Variants in LDLRAD4 observed in about 807,000 individuals in gnomAD.
LDLRAD4 encodes the protein low density lipoprotein receptor class A domain containing 4, also known as low-density lipoprotein receptor class A domain-containing protein 4.
In LDLRAD4, 5 loss-of-function variants were observed where a neutral mutation model predicts 17.0. The observed-to-expected ratio is 0.29, with a 90% CI of 0.15 to 0.62. The LOEUF (loss-of-function observed/expected upper bound fraction) is 0.62. Ranked by LOEUF, LDLRAD4 falls within the 20% of genes least tolerant of loss-of-function variation. The pLI, the probability that LDLRAD4 is intolerant of heterozygous loss-of-function variation, is 0.84. For synonymous variants in LDLRAD4, 168 were observed against 171.8 expected (o/e 0.98, Z 0.17); for missense variants, 340 against 424.7 (o/e 0.80, Z 1.75).
At chr18:13,529,240 A>G (rs531651565) in intron 3 of LDLRAD4, among the ~76,000 whole-genome samples, 2 of 152,302 alleles carry the variant, frequency 1.3e-5, no homozygotes, top group East Asian at 3.9e-4. Flanking sequence ...CCAAAGGCCC[A>G]TGTACCATAG....
rs185288167 is a variant in LDLRAD4 at position 13,233,402 on chromosome 18, A to G, written c.-467+14414A>G. On this transcript the variant is annotated intron_variant, in intron 1 of 5. Transcript: ENST00000399848. ...TGCTCAGAGCCCAGTAAGAGGCGGGACAGCTGTGTTTGGAAGTGGGCCAAG... is the reference window on the plus strand; with the variant it reads ...TGCTCAGAGCCCAGTAAGAGGCGGGGCAGCTGTGTTTGGAAGTGGGCCAAG... Among the ~76,000 whole-genome samples the G allele has an allele frequency of 1.4e-4, 22 of 152,182 alleles. No homozygotes were observed. In the East Asian group the frequency reaches 2.7e-3, roughly 19 times the overall value.
At chr18:13,542,104 C>T (rs1601234542) in intron 3 of LDLRAD4, among the ~76,000 whole-genome samples, 1 of 152,172 alleles carries the variant, frequency 6.6e-6, no homozygotes, top group Admixed American at 6.5e-5. Context: ...ACTCTCTACT[C>T]AAGTTCTACT....
intron 1 of LDLRAD4, chr18:13,234,948 T>G (rs2042262115): frequency 6.6e-6 from 1 of 152,184 alleles, no homozygotes. Context: ...TTTATCAAGC[T>G]GTAAAAAAAT....
At chr18:13,379,507 G>A (rs1267034844) in intron 1 of LDLRAD4, among the ~76,000 whole-genome samples, 2 of 152,244 alleles carry the variant, frequency 1.3e-5, no homozygotes, top group Non-Finnish European at 1.5e-5. Context: ...AGAGGCAGAC[G>A]AGACACAAGG....
chr18:13,620,223 C>T (rs2148804518), intron 3 of LDLRAD4, among the ~76,000 whole-genome samples: 1 of 152,320 alleles, frequency 6.6e-6, no homozygotes, highest in East Asian at 1.9e-4. Context: ...CATGTACGTG[C>T]ATGCATGTGT....
chr18:13,439,279 G>A (rs1231145962), intron 3 of LDLRAD4, among the ~76,000 whole-genome samples: 2 of 152,156 alleles, frequency 1.3e-5, no homozygotes, highest in African/African-American at 2.4e-5. Context: ...GTGAAAATGG[G>A]AGGGGATTTA....
At position 13,417,502 on chromosome 18, in the gene LDLRAD4, G is replaced by T. The variant is rs916846241; in HGVS notation, c.41-20742G>T. ...GGCTGGAGTGCAGTGGCGCGATCTC[G>T]GCTCACTGCAAGCTCTGCCTCCCGG... On this transcript the variant is annotated intron_variant, in intron 2 of 5. Coordinates refer to ENST00000359446, the Ensembl canonical transcript of LDLRAD4. Among the ~76,000 whole-genome samples the T allele has an allele frequency of 9.3e-5, 14 of 150,014 alleles. No homozygotes were observed. In the Admixed American group the frequency reaches 9.4e-4, roughly 10 times the overall value.
intron 3 of LDLRAD4, among the ~76,000 whole-genome samples, chr18:13,593,665 G>T (rs9946090): frequency 6.6e-6 from 1 of 151,940 alleles, no homozygotes; most frequent in African/African-American, 2.4e-5. Context: ...GCTATATGGC[G>T]CAGGCTGGCC....
At chr18:13,393,450 A>G (rs1739122668) in intron 2 of LDLRAD4, among the ~76,000 whole-genome samples, 2 of 151,926 alleles carry the variant, frequency 1.3e-5, no homozygotes, top group Admixed American at 6.6e-5. Context: ...CATAGCACGC[A>G]CTCTGGAGAA....
Position 13,402,335 on chromosome 18 carries a change from C to T in LDLRAD4, c.40+14573C>T, listed in dbSNP as rs539850630. Among the ~76,000 whole-genome samples, 6 of 152,250 alleles carry T rather than the reference C, an allele frequency of 3.9e-5. No individual in the cohort carries two copies. In the South Asian group the frequency reaches 1.0e-3, roughly 26 times the overall value. ...CCCGAACTCACACTTCTCTTATAAA[C>T]GTCCCATTTTCAGAAACTCACTTCT... On this transcript the variant is annotated intron_variant, in intron 2 of 5. Coordinates refer to ENST00000359446, the Ensembl canonical transcript of LDLRAD4.
rs7241186 is a variant in LDLRAD4, at chr18:13,394,978, C to T, written c.40+7216C>T. 8.1e-3 allele frequency among the ~76,000 whole-genome samples: 1,228 copies of T among 152,294 alleles called. 17 individuals carry two copies. The highest frequency in any genetic ancestry group is 0.027 in the African/African-American group (1,128 of 41,558). On this transcript the variant is annotated intron_variant, in intron 2 of 5. Transcript: ENST00000359446. ...TTCCTCTGTTAGTGTATGGATGTCTCTGGAGTCCTTAATACTGGATTCTCC... is the reference window on the plus strand; with the variant it reads ...TTCCTCTGTTAGTGTATGGATGTCTTTGGAGTCCTTAATACTGGATTCTCC...
intron 2 of LDLRAD4, among the ~76,000 whole-genome samples, chr18:13,404,900 A>C (rs1599996620): frequency 6.6e-6 from 1 of 152,254 alleles, no homozygotes; most frequent in African/African-American, 2.4e-5. Flanking sequence ...TCAGAAATGC[A>C]TGCAAAAGAA....
At chr18:13,628,018 A>G (rs1201244795) in intron 4 of LDLRAD4, among the ~76,000 whole-genome samples, 1 of 152,154 alleles carries the variant, frequency 6.6e-6, no homozygotes, top group Non-Finnish European at 1.5e-5. Flanking sequence ...GGTGGGCCCC[A>G]GGCTCAGGGG....
At chr18:13,490,428 G>A (rs1282291242) in intron 3 of LDLRAD4, 4 of 152,108 alleles carry the variant, frequency 2.6e-5, no homozygotes, top group East Asian at 1.9e-4. Context: ...TTCAAAATTC[G>A]AAACACTTCT....
intron 1 of LDLRAD4, among the ~76,000 whole-genome samples, chr18:13,222,563 C>T (rs1167991974): frequency 6.6e-6 from 1 of 152,222 alleles, no homozygotes; most frequent in African/African-American, 2.4e-5. Flanking sequence ...ACGCACTCTG[C>T]AGCCGGCGGC....
intron 2 of LDLRAD4, among the ~76,000 whole-genome samples, chr18:13,403,051 G>T (rs1599969491): frequency 6.6e-6 from 1 of 152,230 alleles, no homozygotes; most frequent in Non-Finnish European, 1.5e-5. Context: ...AGTATTTGCT[G>T]TCCTGGAGAA....
chr18:13,364,492 C>T (rs546530083), intron 1 of LDLRAD4, among the ~76,000 whole-genome samples: 1 of 152,210 alleles, frequency 6.6e-6, no homozygotes, highest in Admixed American at 6.5e-5. Context: ...CATGTGCCAC[C>T]ACACCTGGCT....
intron 3 of LDLRAD4, among the ~76,000 whole-genome samples, chr18:13,529,764 G>T (rs2094098748): frequency 6.6e-6 from 1 of 152,240 alleles, no homozygotes; most frequent in East Asian, 1.9e-4. Context: ...ACAGAAGACA[G>T]CGTTCTGATG....
At chr18:13,331,038 C>A (rs2081834981) in intron 1 of LDLRAD4, among the ~76,000 whole-genome samples, 1 of 152,192 alleles carries the variant, frequency 6.6e-6, no homozygotes, top group Non-Finnish European at 1.5e-5. Flanking sequence ...CTGTATCCTT[C>A]CTAATAAATG....
Sources: gnomAD v4.1 joint callset for allele counts (sites outside exome capture counted in the v4.1 genomes callset) on GRCh38, gnomAD v4.1.1 for gene constraint, MANE v1.5 for transcripts, NCBI Gene and HGNC (gene_info 2026-07-23, HGNC 2026-07-21) for gene names.